C7orf78: variants seen among roughly 807,000 people sequenced by gnomAD.
The protein encoded by C7orf78 is chromosome 7 open reading frame 78.
At chr7:12,525,729 G>T in the C7orf78 span, 1 of 390,034 alleles carries the variant, frequency 2.6e-6, no homozygotes, top group Non-Finnish European at 4.5e-6. Flanking sequence ...TTTTACCAAG[G>T]AAATATTTAA....
At chr7:12,502,967 C>G in the C7orf78 span, among the ~76,000 whole-genome samples, 2 of 151,086 alleles carry the variant, frequency 1.3e-5, no homozygotes, top group South Asian at 2.1e-4. Context: ...ATCATTCTCA[C>G]TAAACTATCG....
At chr7:12,536,120 G>A in the C7orf78 span, among the ~76,000 whole-genome samples, 1 of 152,164 alleles carries the variant, frequency 6.6e-6, no homozygotes, top group African/African-American at 2.4e-5. Flanking sequence ...CTCTGTGTGG[G>A]GGCTCCCACA....
the C7orf78 span, among the ~76,000 whole-genome samples, chr7:12,529,760 C>T: frequency 2.0e-5 from 3 of 152,174 alleles, no homozygotes; most frequent in African/African-American, 2.4e-5. Context: ...TAGCCGGGAA[C>T]GTTCTTGGCT....
the C7orf78 span, among the ~76,000 whole-genome samples, chr7:12,488,912 G>GC: frequency 2.6e-5 from 2 of 77,018 alleles, no homozygotes; most frequent in African/African-American, 1.0e-4. Context: ...GGGTTTGATT[G>GC]GTTTTTTTTT....
chr7:12,525,181 C>G, the C7orf78 span, among the ~76,000 whole-genome samples: 1 of 152,008 alleles, frequency 6.6e-6, no homozygotes, highest in South Asian at 2.1e-4. Flanking sequence ...GCTTGGTACC[C>G]TCACTGTTTT....
At chr7:12,500,719 A>C in the C7orf78 span, among the ~76,000 whole-genome samples, 1 of 152,056 alleles carries the variant, frequency 6.6e-6, no homozygotes, top group Non-Finnish European at 1.5e-5. Context: ...AATCCTCCCC[A>C]ACTCATTTTA....
At chr7:12,513,068 T>TA in the C7orf78 span, among the ~76,000 whole-genome samples, 3 of 152,076 alleles carry the variant, frequency 2.0e-5, no homozygotes, top group South Asian at 6.2e-4. Context: ...TATTCTTGGT[T>TA]ATTCTATCTA....
the C7orf78 span, chr7:12,506,671 T>G: frequency 4.7e-6 from 1 of 214,826 alleles, no homozygotes; most frequent in African/African-American, 2.4e-5. Context: ...GGGATAGCAT[T>G]AGGAGAAATA....
At chr7:12,505,849 A>G in the C7orf78 span, among the ~76,000 whole-genome samples, 7 of 152,334 alleles carry the variant, frequency 4.6e-5, no homozygotes, top group African/African-American at 1.4e-4. Context: ...CTACAAAGAC[A>G]TATGTGATTC....
At chr7:12,497,959 C>A in the C7orf78 span, among the ~76,000 whole-genome samples, 1 of 151,894 alleles carries the variant, frequency 6.6e-6, no homozygotes, top group African/African-American at 2.4e-5. Context: ...GGGAGGCACC[C>A]TCCAGCAGGG....
chr7:12,534,977 G>GGGAAGGAAGGAGGGAA, the C7orf78 span, among the ~76,000 whole-genome samples: 2 of 130,372 alleles, frequency 1.5e-5, no homozygotes, highest in East Asian at 2.3e-4. Flanking sequence ...GAAGGAAGGA[G>GGGAAGGAAGGAGGGAA]GGAAGGAAGG....
At chr7:12,524,415 T>C in the C7orf78 span, among the ~76,000 whole-genome samples, 1 of 152,182 alleles carries the variant, frequency 6.6e-6, no homozygotes, top group Non-Finnish European at 1.5e-5. Context: ...AATATTTTCA[T>C]TCATAGTAAA....
At chr7:12,525,247 G>A in the C7orf78 span, among the ~76,000 whole-genome samples, 1 of 151,998 alleles carries the variant, frequency 6.6e-6, no homozygotes, top group Non-Finnish European at 1.5e-5. Flanking sequence ...TATTTGATCA[G>A]TTCTTGGAGT....
chr7:12,512,538 A>G, the C7orf78 span, among the ~76,000 whole-genome samples: 213 of 152,266 alleles, frequency 1.4e-3, 1 homozygote, highest in Non-Finnish European at 2.4e-3. Flanking sequence ...GGTATAAATC[A>G]CACCTTATCA....
chr7:12,501,046 A>C, the C7orf78 span, among the ~76,000 whole-genome samples: 1 of 151,180 alleles, frequency 6.6e-6, no homozygotes, highest in Non-Finnish European at 1.5e-5. Flanking sequence ...CATGCTAAAA[A>C]CTCTCAATAA....
At chr7:12,495,290 G>C in the C7orf78 span, among the ~76,000 whole-genome samples, 4 of 152,152 alleles carry the variant, frequency 2.6e-5, no homozygotes, top group African/African-American at 9.7e-5. Context: ...CCACAAAGTG[G>C]CTGTTTTGCA....
chr7:12,505,979 T>C, the C7orf78 span: 1 of 152,458 alleles, frequency 6.6e-6, no homozygotes, highest in Admixed American at 6.5e-5. Context: ...GAAACAAATT[T>C]ATTTTCTTTT....
the C7orf78 span, among the ~76,000 whole-genome samples, chr7:12,512,382 G>A: frequency 6.6e-6 from 1 of 152,138 alleles, no homozygotes; most frequent in Admixed American, 6.5e-5. Context: ...AGCTTATTGA[G>A]AGTTTTTATC....
chr7:12,504,981 CT>C, the C7orf78 span, among the ~76,000 whole-genome samples: 2 of 151,940 alleles, frequency 1.3e-5, no homozygotes, highest in Non-Finnish European at 2.9e-5. Context: ...GGCAAAGGAA[CT>C]TTAAATTTGC....
Sources: allele counts gnomAD v4.1 joint callset (sites outside exome capture counted in the v4.1 genomes callset), GRCh38; gene constraint gnomAD v4.1.1; transcripts MANE v1.5; gene names NCBI Gene and HGNC (gene_info 2026-07-23, HGNC 2026-07-21).